Variants in SMG1 observed in about 807,000 individuals in gnomAD.
SMG1 encodes the protein serine/threonine-protein kinase SMG1.
In SMG1, 22 loss-of-function variants were observed where a neutral mutation model predicts 419.9. That is an observed-to-expected ratio of 0.05 (90% CI 0.04 to 0.07). The LOEUF (loss-of-function observed/expected upper bound fraction) is 0.07. Ranked by LOEUF, SMG1 falls within the 10% of genes least tolerant of loss-of-function variation. SMG1 has a pLI of 1.00. For synonymous variants in SMG1, 1,538 were observed against 1,553.5 expected (o/e 0.99, Z 0.23); for missense variants, 3,185 against 4,342.0 (o/e 0.73, Z 7.49).
intron 13 of SMG1, among the ~76,000 whole-genome samples, chr16:18,874,675 G>A (rs929328269): frequency 5.4e-5 from 8 of 148,572 alleles, no homozygotes; most frequent in African/African-American, 1.7e-4. Flanking sequence ...AGACCAGCCT[G>A]GCCAACATGG....
intron 7 of SMG1, 75 bp downstream of exon 7, chr16:18,885,466 T>C: frequency 1.3e-6 from 2 of 1,556,016 alleles, no homozygotes; most frequent in Non-Finnish European, 1.7e-6. Flanking sequence ...TTGTTTTCCA[T>C]CTGTTTCCTC....
intron 6 of SMG1, among the ~76,000 whole-genome samples, chr16:18,886,648 A>G (rs2141758517): frequency 6.6e-6 from 1 of 152,256 alleles, no homozygotes; most frequent in South Asian, 2.1e-4. Context: ...CTAAAAATAT[A>G]AAAATTAGCA....
intron 40 of SMG1, 47 bp from the exon 41 acceptor site, chr16:18,841,841 T>C (rs2033946024): frequency 6.6e-7 from 1 of 1,513,958 alleles, no homozygotes. Flanking sequence ...TTAAACAGGG[T>C]TGGGAGCATA....
chr16:18,913,230 T>A (rs1430065470), intron 1 of SMG1, among the ~76,000 whole-genome samples: 1 of 152,096 alleles, frequency 6.6e-6, no homozygotes, highest in Non-Finnish European at 1.5e-5. Flanking sequence ...GGAAATTAAG[T>A]GTTAACACTT....
intron 3 of SMG1, among the ~76,000 whole-genome samples, chr16:18,893,922 T>G (rs865807252): frequency 2.0e-5 from 3 of 152,092 alleles, no homozygotes; most frequent in Non-Finnish European, 2.9e-5. Flanking sequence ...CCGGGCGTGG[T>G]GGCGCGCTCC....
chr16:18,817,011 C>T lies in SMG1; in HGVS notation c.10074+280G>A, dbSNP rs569798727. Among the ~76,000 whole-genome samples, 8 of 150,716 alleles carry T rather than the reference C, an allele frequency of 5.3e-5. No homozygotes were observed. In the South Asian group the frequency reaches 8.4e-4, roughly 16 times the overall value. On this transcript the variant is annotated intron_variant, in intron 57 of 62. Transcript: ENST00000446231. ...TGCATTGGAATCATTTGCTACATAT[C>T]GTCTTTCTCCTCCCTTCTAAACTTT...
chr16:18,910,100 CTT>C (rs377393201), intron 1 of SMG1, among the ~76,000 whole-genome samples: 1 of 146,822 alleles, frequency 6.8e-6, no homozygotes, highest in African/African-American at 2.5e-5. Context: ...GTACCAGAAT[CTT>C]TTTTTTTTTT....
At chr16:18,873,613 A>G (rs2035943778) in intron 13 of SMG1, among the ~76,000 whole-genome samples, 1 of 152,226 alleles carries the variant, frequency 6.6e-6, no homozygotes, top group Non-Finnish European at 1.5e-5. Flanking sequence ...ATTTAAAATA[A>G]CAAACAAAAA....
At chr16:18,914,818 C>T (rs1180742393) in intron 1 of SMG1, among the ~76,000 whole-genome samples, 1 of 152,028 alleles carries the variant, frequency 6.6e-6, no homozygotes, top group Non-Finnish European at 1.5e-5. Context: ...TTAGTGATTA[C>T]ATTGCTTAAA....
chr16:18,853,706 C>T lies in SMG1; in HGVS notation c.4645G>A (p.Ala1549Thr). 6.2e-7 allele frequency: 1 copy of T among 1,613,870 alleles called. No individual in the cohort carries two copies. Among genetic ancestry groups the T allele is most frequent in the Non-Finnish European group, 8.5e-7 (1 of 1,179,836 alleles). Reference sequence around the variant, plus strand: ...CCTGTGAAGTTCTGTTGGTGCTGAGCTCTGTAAACCTGTTTCAGCTGTCCT... The same window carrying T: ...CCTGTGAAGTTCTGTTGGTGCTGAGTTCTGTAAACCTGTTTCAGCTGTCCT... ...ISGQLKQVYR[A>T]QHQQNFTGLS... Residue 1549 changes from alanine to threonine, a missense_variant, in exon 31 of 63, where the codon GCT becomes ACT. Transcript: ENST00000446231.
chr16:18,833,863 G>GT (rs2033374671), intron 50 of SMG1, among the ~76,000 whole-genome samples: 1 of 152,094 alleles, frequency 6.6e-6, no homozygotes, highest in Non-Finnish European at 1.5e-5. Context: ...CATAATTATT[G>GT]TAAGTCATAC....
intron 56 of SMG1, among the ~76,000 whole-genome samples, chr16:18,818,402 A>G (rs568166701): frequency 6.7e-6 from 1 of 148,772 alleles, no homozygotes; most frequent in East Asian, 2.0e-4. Flanking sequence ...AACAAAAAAA[A>G]TTTTTTTTTT....
chr16:18,845,202 GA>G (rs1255003906), intron 39 of SMG1, among the ~76,000 whole-genome samples: 4 of 152,192 alleles, frequency 2.6e-5, no homozygotes, highest in African/African-American at 9.6e-5. Context: ...TTCCATACAT[GA>G]AAGATTGGGC....
chr16:18,845,467 G>T lies in SMG1; in HGVS notation c.6181C>A (p.Pro2061Thr). Reference protein sequence around the residue: ...ALEKLKTPLNPAKPGSSWIPF... With the variant: ...ALEKLKTPLNTAKPGSSWIPF... ...ATCCAGCTGCTCCCAGGCTTTGCAG[G>T]GTTCAATGGAGTCTTCAGTTTTTCT... Residue 2061 changes from proline (P) to threonine (T), a missense_variant, in exon 39 of 63, where the codon CCT becomes ACT. Coordinates refer to ENST00000446231, the MANE Select transcript of SMG1 (RefSeq NM_015092.5). The T allele has an allele frequency of 6.2e-7, 1 of 1,613,868 alleles. No homozygotes were observed. The highest frequency in any genetic ancestry group is 8.5e-7 in the Non-Finnish European group (1 of 1,179,868).
At chr16:18,811,024 G>GA (rs1367240737) in intron 62 of SMG1, among the ~76,000 whole-genome samples, 1 of 152,120 alleles carries the variant, frequency 6.6e-6, no homozygotes, top group Non-Finnish European at 1.5e-5. Context: ...TAAGACTAAT[G>GA]AAAAAATTTC....
intron 1 of SMG1, among the ~76,000 whole-genome samples, chr16:18,915,806 C>T (rs914572071): frequency 3.3e-5 from 5 of 152,162 alleles, no homozygotes; most frequent in Middle Eastern, 6.8e-3. Flanking sequence ...TGGTGGCTCA[C>T]GCCTGTAATC....
rs1447565007 is a variant in SMG1, at chr16:18,869,954, A to G, written c.2533T>C (p.Leu845=). The part of the protein sequence containing the change: ...HTEIQEISLA[L]RSHMSKAPSN... ...GGTGCTTTACTCATGTGACTTCTTA[A>G]TGCTAAAGAAATTTCTTGAATTTCT... The change falls in exon 19 of 63, where the codon TTA becomes CTA. Residue 845 remains leucine, a synonymous_variant. Coordinates refer to ENST00000446231, the MANE Select transcript of SMG1 (RefSeq NM_015092.5). 1 of 1,531,438 alleles carries G rather than the reference A, an allele frequency of 6.5e-7. No individual in the cohort carries two copies. Among genetic ancestry groups the G allele is most frequent in the Non-Finnish European group, 8.8e-7 (1 of 1,135,736 alleles). 94.9% of individuals were successfully genotyped at this position (1,531,438 alleles called of 1,614,324 possible).
chr16:18,910,852 T>C (rs1596649924), intron 1 of SMG1, among the ~76,000 whole-genome samples: 1 of 152,100 alleles, frequency 6.6e-6, no homozygotes, highest in Admixed American at 6.6e-5. Flanking sequence ...TAAAAATATG[T>C]ATATACACAG....
chr16:18,817,491 C>T lies in SMG1; in HGVS notation c.9895-21G>A, dbSNP rs2032120156. 7 of 1,531,964 alleles carry T rather than the reference C, an allele frequency of 4.6e-6. 1 individual carries two copies. The highest frequency in any genetic ancestry group is 2.1e-5 in the Admixed American group (1 of 47,754). 94.9% of individuals were successfully genotyped at this position (1,531,964 alleles called of 1,614,324 possible). On this transcript the variant is annotated intron_variant, in intron 56 of 62. Transcript: ENST00000446231. ...GTGACCTGTAAAGACAGAAATGGAA[C>T]CACAAGAGGAGATGGGAGGAAGGTG...
Sources: gnomAD v4.1 joint callset for allele counts (sites outside exome capture counted in the v4.1 genomes callset) on GRCh38, gnomAD v4.1.1 for gene constraint, MANE v1.5 for transcripts, NCBI Gene and HGNC (gene_info 2026-07-23, HGNC 2026-07-21) for gene names.